Variants in DGLUCY observed in about 807,000 individuals in gnomAD.
DGLUCY encodes D-glutamate cyclase, mitochondrial.
DGLUCY carries 58 observed loss-of-function variants against 58.5 expected under a neutral mutation model. That is an observed-to-expected ratio of 0.99 (90% CI 0.80 to 1.23). DGLUCY has a LOEUF of 1.23. Ranked by LOEUF, DGLUCY falls within the 50% of genes most tolerant of loss-of-function variation. DGLUCY has a pLI of 0.00. For synonymous variants in DGLUCY, 325 were observed against 314.1 expected (o/e 1.03, Z -0.37); for missense variants, 779 against 784.7 (o/e 0.99, Z 0.09).
At chr14:91,165,426 A>G (rs2048223304) in intron 3 of DGLUCY, 1 of 371,588 alleles carries the variant, frequency 2.7e-6, no homozygotes, top group African/African-American at 2.1e-5. Flanking sequence ...CTGGTCAGAG[A>G]CAGGATCAGG....
chr14:91,097,677 T>C (rs1336501542), intron 1 of DGLUCY, among the ~76,000 whole-genome samples: 10 of 129,424 alleles, frequency 7.7e-5, no homozygotes, highest in Admixed American at 3.0e-4. Flanking sequence ...CTCCCCTCCC[T>C]TTTTTTTTTT....
chr14:91,103,813 C>T (rs1014697527), upstream of DGLUCY, among the ~76,000 whole-genome samples: 2 of 113,350 alleles, frequency 1.8e-5, no homozygotes, highest in Non-Finnish European at 3.8e-5. Flanking sequence ...ATATATGAAA[C>T]ACACACACAC....
upstream of DGLUCY, among the ~76,000 whole-genome samples, chr14:91,109,437 A>G (rs906275999): frequency 2.6e-5 from 4 of 152,194 alleles, no homozygotes; most frequent in African/African-American, 4.8e-5. Context: ...ACCAGGCACC[A>G]TGAAGACAGT....
intron 1 of DGLUCY, among the ~76,000 whole-genome samples, chr14:91,093,497 G>A (rs1010294042): frequency 6.6e-6 from 1 of 152,144 alleles, no homozygotes; most frequent in African/African-American, 2.4e-5. Context: ...AAAACATTAT[G>A]CTACCTGGGC....
chr14:91,098,861 G>A (rs1240131563), intron 1 of DGLUCY, among the ~76,000 whole-genome samples: 3 of 152,212 alleles, frequency 2.0e-5, no homozygotes, highest in Admixed American at 6.5e-5. Context: ...CCTTGTAAGC[G>A]CAGCAACAGT....
At chr14:91,083,540 A>C (rs929105853) in intron 1 of DGLUCY, among the ~76,000 whole-genome samples, 1 of 150,434 alleles carries the variant, frequency 6.6e-6, no homozygotes, top group African/African-American at 2.5e-5. Flanking sequence ...AAAAAAAAAA[A>C]CAGAGAGAAC....
intron 12 of DGLUCY, among the ~76,000 whole-genome samples, chr14:91,206,127 C>A (rs1884653192): frequency 6.6e-6 from 1 of 151,254 alleles, no homozygotes; most frequent in Admixed American, 6.6e-5. Context: ...GGCCTTAAAT[C>A]TCCCTGGGGA....
intron 6 of DGLUCY, among the ~76,000 whole-genome samples, chr14:91,174,127 T>C (rs2048731770): frequency 6.6e-6 from 1 of 152,080 alleles, no homozygotes; most frequent in Middle Eastern, 3.4e-3. Flanking sequence ...TAATGAAGCC[T>C]CCGTAAAACC....
intron 12 of DGLUCY, among the ~76,000 whole-genome samples, chr14:91,210,450 TG>T (rs1181648605): frequency 6.6e-6 from 1 of 152,104 alleles, no homozygotes; most frequent in Non-Finnish European, 1.5e-5. Context: ...GAGGATTGCT[TG>T]AGTTTAGGAG....
intron 1 of DGLUCY, among the ~76,000 whole-genome samples, chr14:91,062,612 AAC>A (rs1566925856): frequency 1.7e-4 from 5 of 28,692 alleles, no homozygotes; most frequent in Non-Finnish European, 1.7e-4. Flanking sequence ...TATATATATA[AAC>A]AATCCTTAGC....
intron 3 of DGLUCY, chr14:91,165,390 C>A: frequency 2.4e-6 from 1 of 411,116 alleles, no homozygotes; most frequent in Admixed American, 2.8e-5. Context: ...CTGAGACATG[C>A]AAAGCCACAG....
At chr14:91,127,300 T>C (rs2045762647) in intron 1 of DGLUCY, among the ~76,000 whole-genome samples, 1 of 152,202 alleles carries the variant, frequency 6.6e-6, no homozygotes, top group Admixed American at 6.5e-5. Flanking sequence ...CAAGCAGTCC[T>C]GCCTCACCCT....
chr14:91,159,140 T>G (rs2047834463), intron 2 of DGLUCY, among the ~76,000 whole-genome samples: 1 of 147,722 alleles, frequency 6.8e-6, no homozygotes. Flanking sequence ...TAAAACCTCT[T>G]TTTTTAATAG....
intron 5 of DGLUCY, among the ~76,000 whole-genome samples, chr14:91,172,537 C>T (rs1195820625): frequency 6.6e-6 from 1 of 152,154 alleles, no homozygotes; most frequent in Non-Finnish European, 1.5e-5. Context: ...CCTGATGTCT[C>T]AAAAATATCC....
In DGLUCY at chr14:91,224,790, A is replaced by G; in HGVS notation, c.1823A>G (p.Glu608Gly). The G allele has an allele frequency of 1.2e-6, 2 of 1,613,580 alleles. No homozygotes were observed. The highest frequency in any genetic ancestry group is 2.2e-5 in the South Asian group (2 of 90,998). Residue 608 changes from glutamate (E) to glycine (G), a missense_variant, in exon 14 of 14, where the codon GAG becomes GGG. By Grantham distance (98) the Glu-to-Gly change is moderately conservative. Transcript: ENST00000256324. ...DGLPFHNTHA[E>G]MIQKLVDVTT... ...CTGCCCTTCCACAACACCCACGCCG[A>G]GATGATCCAGAAGCTGGTGGACGTC...
intron 1 of DGLUCY, among the ~76,000 whole-genome samples, chr14:91,124,476 G>A (rs2045562736): frequency 1.3e-5 from 2 of 152,220 alleles, no homozygotes; most frequent in Non-Finnish European, 2.9e-5. Context: ...GTTAATTCAT[G>A]GCAGATTAGG....
intron 1 of DGLUCY, among the ~76,000 whole-genome samples, chr14:91,155,237 T>C (rs2047552072): frequency 6.6e-6 from 1 of 152,220 alleles, no homozygotes; most frequent in Admixed American, 6.5e-5. Context: ...GTGTGGGCTG[T>C]GACTGTCTTA....
intron 1 of DGLUCY, among the ~76,000 whole-genome samples, chr14:91,127,382 G>T (rs962823459): frequency 1.3e-5 from 2 of 152,194 alleles, no homozygotes; most frequent in African/African-American, 4.8e-5. Context: ...AACTCTGTGA[G>T]CTGCCAACTG....
At chr14:91,215,310 G>A (rs1886345335) in intron 12 of DGLUCY, 95 bp from the exon 13 acceptor site, 2 of 1,509,866 alleles carry the variant, frequency 1.3e-6, no homozygotes, top group African/African-American at 1.4e-5. Context: ...ACGGGACCGT[G>A]GACCAGTCCT....
Sources: gnomAD v4.1 joint callset for allele counts (sites outside exome capture counted in the v4.1 genomes callset) on GRCh38, gnomAD v4.1.1 for gene constraint, MANE v1.5 for transcripts, NCBI Gene and HGNC (gene_info 2026-07-23, HGNC 2026-07-21) for gene names.